SDK1: variants seen among roughly 807,000 people sequenced by gnomAD.
SDK1 encodes protein sidekick-1.
SDK1 carries 157 observed loss-of-function variants against 245.5 expected under a neutral mutation model. The observed-to-expected ratio is 0.64, with a 90% CI of 0.56 to 0.73. The LOEUF (loss-of-function observed/expected upper bound fraction) is 0.73. SDK1 is among the 30% of genes least tolerant of loss of function. The probability of loss-of-function intolerance (pLI) is 0.00; values close to 1 mark genes in which losing one functional copy is unlikely to be tolerated. For missense variants in SDK1, 3,583 were observed against 3,002.3 expected, an observed-to-expected ratio of 1.19 and a Z score of -4.52; for synonymous variants, 1,647 against 1,278.5, an observed-to-expected ratio of 1.29 and a Z score of -6.15.
chr7:3,655,501 A>ATATATATATATATG (rs1554303530), intron 4 of SDK1, among the ~76,000 whole-genome samples: 3 of 52,798 alleles, frequency 5.7e-5, no homozygotes, highest in Admixed American at 2.3e-4. Context: ...ATATATATAT[A>ATATATATATATATG]TATGTATGTA....
chr7:4,038,216 G>C (rs981781456), intron 17 of SDK1, among the ~76,000 whole-genome samples: 1 of 152,150 alleles, frequency 6.6e-6, no homozygotes, highest in Non-Finnish European at 1.5e-5. Flanking sequence ...CCAGAGGATC[G>C]ACTGAGGCCT....
chr7:3,409,760 A>T (rs1345633995), intron 1 of SDK1, among the ~76,000 whole-genome samples: 3 of 152,086 alleles, frequency 2.0e-5, no homozygotes, highest in African/African-American at 7.2e-5. Context: ...CTTTGTATTT[A>T]GGTGGGCTGT....
intron 5 of SDK1, among the ~76,000 whole-genome samples, chr7:3,889,583 C>T (rs1781410368): frequency 6.6e-6 from 1 of 152,180 alleles, no homozygotes; most frequent in African/African-American, 2.4e-5. Context: ...TCTCAGCTCA[C>T]TGCAAGCTCT....
rs552982531 is a variant in SDK1 at position 3,971,491 on chromosome 7, T to C, written c.1740T>C (p.Pro580=). The C allele has an allele frequency of 6.2e-7, 1 of 1,613,392 alleles. No individual in the cohort carries two copies. The highest frequency in any genetic ancestry group is 1.3e-5 in the African/African-American group (1 of 75,046). Residue 580 remains proline, a synonymous_variant, in exon 12 of 45, where the codon CCT becomes CCC. Transcript: ENST00000404826. Reference sequence around the variant, plus strand: ...ATCGGACGTCCATCGTCCACCCTCCTGAGGACCACGTGGTGATTAAGGGGA... The same window carrying C: ...ATCGGACGTCCATCGTCCACCCTCCCGAGGACCACGTGGTGATTAAGGGGA... ...VWNRTSIVHP[P]EDHVVIKGTT... is the part of the protein sequence containing the mutation.
At chr7:4,131,629 C>T (rs1784827234) in intron 27 of SDK1, among the ~76,000 whole-genome samples, 1 of 152,196 alleles carries the variant, frequency 6.6e-6, no homozygotes. Flanking sequence ...ATACTGGCCA[C>T]ACACTTACTT....
chr7:3,566,722 A>T (rs78619609), intron 1 of SDK1, among the ~76,000 whole-genome samples: 1 of 145,930 alleles, frequency 6.9e-6, no homozygotes, highest in African/African-American at 2.5e-5. Flanking sequence ...ACTACTGCCA[A>T]AAAAAAAAAA....
At chr7:4,222,872 C>G (rs1437019817) in intron 40 of SDK1, among the ~76,000 whole-genome samples, 1 of 152,098 alleles carries the variant, frequency 6.6e-6, no homozygotes, top group Non-Finnish European at 1.5e-5. Context: ...GACTTTGATT[C>G]AAGAGCACTT....
intron 5 of SDK1, among the ~76,000 whole-genome samples, chr7:3,883,144 G>T (rs1298617088): frequency 6.6e-6 from 1 of 152,212 alleles, no homozygotes; most frequent in Non-Finnish European, 1.5e-5. Context: ...TTCTGAGGAT[G>T]AAGCAGGAGA....
At chr7:3,493,599 G>A (rs1225795683) in intron 1 of SDK1, among the ~76,000 whole-genome samples, 1 of 152,162 alleles carries the variant, frequency 6.6e-6, no homozygotes, top group Non-Finnish European at 1.5e-5. Context: ...TTTAACTAAA[G>A]GAAAGCAGAA....
chr7:3,817,458 G>C (rs896919923), intron 4 of SDK1, among the ~76,000 whole-genome samples: 1 of 152,192 alleles, frequency 6.6e-6, no homozygotes, highest in Non-Finnish European at 1.5e-5. Context: ...TTCTGCTCCA[G>C]TGGTGATCAG....
rs563135750 is a variant in SDK1, at chr7:3,584,915, G to A, written c.299-34165G>A. ...ATTTTTTTGTATTTTTAGCGGAGAC[G>A]GAGTTTCACCGTGTTAGCCAGGATG... On this transcript the variant is annotated intron_variant, in intron 1 of 44. Transcript: ENST00000404826. 1.3e-4 allele frequency among the ~76,000 whole-genome samples: 20 copies of A among 152,024 alleles called. No homozygotes were observed. In the South Asian group the frequency reaches 2.3e-3, roughly 17 times the overall value.
chr7:3,459,744 G>A (rs1780778045), intron 1 of SDK1, among the ~76,000 whole-genome samples: 1 of 152,208 alleles, frequency 6.6e-6, no homozygotes, highest in Non-Finnish European at 1.5e-5. Flanking sequence ...GTAGTGAGAT[G>A]GCTCCACTTG....
chr7:3,890,198 C>T (rs117980867), intron 5 of SDK1, among the ~76,000 whole-genome samples: 558 of 152,326 alleles, frequency 3.7e-3, no homozygotes, highest in Non-Finnish European at 5.0e-3. Context: ...CTCTTTTCAC[C>T]TGTGGCCTTT....
At position 3,803,295 on chromosome 7, in the gene SDK1, T is replaced by TCTTC. The variant is rs756894172; in HGVS notation, c.714-18155_714-18154insCTTC. The stretch of plus-strand genomic sequence containing the variant: ...ACTCTGCCCATTTTCTTTTCTTTTC[T>TCTTC]TTTCTTTCTTTCTTTCTTTCTTTTT... On this transcript the variant is annotated intron_variant, in intron 4 of 44. Transcript: ENST00000404826. Among the ~76,000 whole-genome samples the TCTTC allele has an allele frequency of 1.6e-3, 237 of 149,240 alleles. 4 individuals carry two copies. The South Asian group carries it at 0.022, about 14-fold the overall frequency.
chr7:3,678,133 A>C (rs796476157), intron 4 of SDK1, among the ~76,000 whole-genome samples: 29 of 152,320 alleles, frequency 1.9e-4, no homozygotes, highest in African/African-American at 7.0e-4. Context: ...GAAAATTAAC[A>C]AGTGTTGGTG....
In SDK1 at chr7:3,616,476, C is replaced by A. The variant is rs571896469; in HGVS notation, c.299-2604C>A. Among the ~76,000 whole-genome samples, 5 of 152,298 alleles carry A rather than the reference C, an allele frequency of 3.3e-5. No homozygotes were observed. The South Asian group carries it at 1.0e-3, about 32-fold the overall frequency. On this transcript the variant is annotated intron_variant, in intron 1 of 44. Transcript: ENST00000404826. ...CTTTCGTACTGCCCAAGGGTACTCG[C>A]CATGTTTGCTCCCACCAGAGGGCCT...
At chr7:3,346,605 C>T (rs769385363) in intron 1 of SDK1, among the ~76,000 whole-genome samples, 49 of 149,972 alleles carry the variant, frequency 3.3e-4, no homozygotes, top group Admixed American at 1.1e-3. Flanking sequence ...GTCTCCAACT[C>T]GTGCTCAGGC....
chr7:4,181,249 A>C (rs568910223), intron 35 of SDK1, among the ~76,000 whole-genome samples: 4 of 152,158 alleles, frequency 2.6e-5, no homozygotes, highest in Non-Finnish European at 5.9e-5. Context: ...TTGAGGTTCA[A>C]CCGGGTTGTA....
At chr7:3,511,965 C>A (rs1238769194) in intron 1 of SDK1, among the ~76,000 whole-genome samples, 1 of 150,334 alleles carries the variant, frequency 6.7e-6, no homozygotes. Flanking sequence ...TGTATTGACA[C>A]CAGGATCACC....
Sources: gnomAD v4.1 joint callset for allele counts (sites outside exome capture counted in the v4.1 genomes callset) on GRCh38, gnomAD v4.1.1 for gene constraint, MANE v1.5 for transcripts, NCBI Gene and HGNC (gene_info 2026-07-23, HGNC 2026-07-21) for gene names.